The following TSHZ2 variants were observed in gnomAD, a reference collection of about 807,000 sequenced individuals.
The protein encoded by TSHZ2 is teashirt homolog 2.
Under a neutral mutation model 74.4 loss-of-function variants are expected in TSHZ2, and 21 were observed. The observed-to-expected ratio is 0.28, with a 90% CI of 0.20 to 0.41. The LOEUF is 0.41. Ranked by LOEUF, TSHZ2 falls within the 10% of genes least tolerant of loss-of-function variation. TSHZ2 has a pLI of 1.00. For missense variants in TSHZ2, 1,244 were observed against 1,293.5 expected (o/e 0.96, Z 0.59); for synonymous variants, 540 against 515.3 (o/e 1.05, Z -0.65).
chr20:53,078,527 A>G (rs898691366), intron 1 of TSHZ2, among the ~76,000 whole-genome samples: 3 of 152,236 alleles, frequency 2.0e-5, no homozygotes, highest in Non-Finnish European at 2.9e-5. Flanking sequence ...GTCTTTGAGC[A>G]TGGAGGAATT....
In TSHZ2 at chr20:53,126,361, C is replaced by T. The variant is rs529479417; in HGVS notation, c.41-127138C>T. Among the ~76,000 whole-genome samples, 14 of 152,282 alleles carry T rather than the reference C, an allele frequency of 9.2e-5. No individual in the cohort carries two copies. The South Asian group carries it at 2.3e-3, about 25-fold the overall frequency. On this transcript the variant is annotated intron_variant, in intron 1 of 2. Transcript: ENST00000371497. ...GATGCCCTACATGGGGAAAGATTGT[C>T]GTTGGGACTAAGCCAACGAGAGGTA... is the stretch of plus-strand genomic sequence containing the variant.
chr20:53,232,055 A>T (rs1568825530), intron 1 of TSHZ2, among the ~76,000 whole-genome samples: 1 of 151,576 alleles, frequency 6.6e-6, no homozygotes, highest in East Asian at 1.9e-4. Context: ...TGGCTAATTT[A>T]TTTTTTTATT....
intron 2 of TSHZ2, among the ~76,000 whole-genome samples, chr20:53,346,266 C>T (rs1162787062): frequency 6.6e-6 from 1 of 152,190 alleles, no homozygotes; most frequent in African/African-American, 2.4e-5. Context: ...GTTCCTCTCC[C>T]GCTGACATGA....
At chr20:53,030,548 C>T (rs1983598203) in intron 1 of TSHZ2, among the ~76,000 whole-genome samples, 1 of 152,044 alleles carries the variant, frequency 6.6e-6, no homozygotes, top group African/African-American at 2.4e-5. Context: ...CATGGTTGCC[C>T]TTTATAATGA....
intron 2 of TSHZ2, among the ~76,000 whole-genome samples, chr20:53,364,402 G>A (rs569040877): frequency 2.6e-5 from 4 of 152,208 alleles, no homozygotes; most frequent in South Asian, 2.1e-4. Context: ...AGGGAGTCGC[G>A]CTGGTGCCCT....
At chr20:53,269,431 T>C (rs1161302392) in intron 2 of TSHZ2, among the ~76,000 whole-genome samples, 1 of 152,178 alleles carries the variant, frequency 6.6e-6, no homozygotes. Context: ...CCCTCCAACT[T>C]TCCCATTCTC....
rs973590937 is a variant in TSHZ2, at chr20:53,166,921, T to TA, written c.41-86571dup. ...TCTCAGATGCTGCTAAGTATTATAT[T>TA]AAAAAAACCTGATAATGTAATAGTG... is the stretch of plus-strand genomic sequence containing the variant. On this transcript the variant is annotated intron_variant, in intron 1 of 2. Transcript: ENST00000371497. Among the ~76,000 whole-genome samples the TA allele has an allele frequency of 4.6e-5, 7 of 151,934 alleles. No individual in the cohort carries two copies. In the South Asian group the frequency reaches 6.2e-4, roughly 13 times the overall value.
At chr20:53,208,684 A>T (rs1038639452) in intron 1 of TSHZ2, 1 of 152,170 alleles carries the variant, frequency 6.6e-6, no homozygotes, top group Non-Finnish European at 1.5e-5. Flanking sequence ...TGTTCTCCTC[A>T]TTTTACAGTC....
intron 2 of TSHZ2, among the ~76,000 whole-genome samples, chr20:53,298,280 C>CAAAATAATAACAAAAT (rs1991419594): frequency 6.6e-6 from 1 of 152,168 alleles, no homozygotes; most frequent in Admixed American, 6.5e-5. Context: ...GGGCAGAGAA[C>CAAAATAATAACAAAAT]AAACACGTAA....
rs570474641 is a variant in TSHZ2, at chr20:53,287,813, A to C, written c.*8+31242A>C. ...TTAGGAGTTAATATTTTTCTTATTC[A>C]ACCTGAATTTCTTGAGTTTTTAAAA... On this transcript the variant is annotated intron_variant, in intron 2 of 2. Coordinates refer to ENST00000371497, the MANE Select transcript of TSHZ2 (RefSeq NM_173485.6). Among the ~76,000 whole-genome samples, 229 of 152,320 alleles carry C rather than the reference A, an allele frequency of 1.5e-3. 2 individuals carry two copies. The highest frequency in any genetic ancestry group is 5.3e-3 in the African/African-American group (219 of 41,574).
At chr20:53,193,504 T>G (rs1325778363) in intron 1 of TSHZ2, among the ~76,000 whole-genome samples, 3 of 152,130 alleles carry the variant, frequency 2.0e-5, no homozygotes, top group Non-Finnish European at 4.4e-5. Context: ...TTGTATGTTG[T>G]CTCCCTGTGA....
In TSHZ2 at chr20:53,008,316, C is replaced by T. The variant is rs138431970; in HGVS notation, c.40+34983C>T. Reference sequence around the variant, plus strand: ...CTTGAACTTAAGCCTGTGGTTAATTCATGGCTTATTCTTCAGGAATGACAT... The same window carrying T: ...CTTGAACTTAAGCCTGTGGTTAATTTATGGCTTATTCTTCAGGAATGACAT... On this transcript the variant is annotated intron_variant, in intron 1 of 2. Transcript: ENST00000371497. Among the ~76,000 whole-genome samples the T allele has an allele frequency of 1.8e-3, 279 of 152,256 alleles. 1 individual carries two copies. Among genetic ancestry groups the T allele is most frequent in the Non-Finnish European group, 3.2e-3 (216 of 68,016 alleles).
At chr20:53,199,771 G>A (rs373893526) in intron 1 of TSHZ2, among the ~76,000 whole-genome samples, 3 of 152,274 alleles carry the variant, frequency 2.0e-5, no homozygotes, top group South Asian at 4.1e-4. Context: ...CTGGGCAAAG[G>A]TGTGTGTAGT....
At chr20:53,365,576 C>A (rs142849938) in intron 2 of TSHZ2, among the ~76,000 whole-genome samples, 1 of 152,278 alleles carries the variant, frequency 6.6e-6, no homozygotes, top group East Asian at 1.9e-4. Flanking sequence ...TAAGAGGTGA[C>A]CAGCTAGATG....
chr20:53,292,576 T>C (rs1481920395), intron 2 of TSHZ2, among the ~76,000 whole-genome samples: 1 of 151,776 alleles, frequency 6.6e-6, no homozygotes, highest in Non-Finnish European at 1.5e-5. Context: ...GTCTCCCGAG[T>C]AGTTGGGACT....
At chr20:53,141,772 T>C (rs6022298) in intron 1 of TSHZ2, among the ~76,000 whole-genome samples, 57 of 152,364 alleles carry the variant, frequency 3.7e-4, no homozygotes, top group African/African-American at 1.3e-3. Flanking sequence ...CTTGCACTTA[T>C]TCATTTAGCA....
intron 1 of TSHZ2, among the ~76,000 whole-genome samples, chr20:53,072,967 A>ATCCATCCC (rs1985224668): frequency 9.0e-6 from 1 of 111,676 alleles, no homozygotes. Flanking sequence ...TCATCCATCT[A>ATCCATCCC]TCCCTCCATC....
At chr20:53,225,341 A>G (rs908683363) in intron 1 of TSHZ2, among the ~76,000 whole-genome samples, 1 of 152,222 alleles carries the variant, frequency 6.6e-6, no homozygotes, top group African/African-American at 2.4e-5. Context: ...GTGTACTTCT[A>G]TTGACGAGAG....
intron 1 of TSHZ2, among the ~76,000 whole-genome samples, chr20:53,175,175 CT>C (rs1988305735): frequency 1.1e-5 from 1 of 92,340 alleles, no homozygotes; most frequent in Non-Finnish European, 1.9e-5. Context: ...GAGTTTTGCT[CT>C]TGTTGCCCAG....
Sources: gnomAD v4.1 joint callset for allele counts (sites outside exome capture counted in the v4.1 genomes callset) on GRCh38, gnomAD v4.1.1 for gene constraint, MANE v1.5 for transcripts, NCBI Gene and HGNC (gene_info 2026-07-23, HGNC 2026-07-21) for gene names.